NFIB: variants seen among roughly 807,000 people sequenced by gnomAD.
NFIB encodes the protein nuclear factor I B.
NFIB carries 11 observed loss-of-function variants against 61.5 expected under a neutral mutation model. That is an observed-to-expected ratio of 0.18 (90% CI 0.11 to 0.30). The LOEUF is 0.30. Ranked by LOEUF, NFIB falls within the 10% of genes least tolerant of loss-of-function variation. The pLI, the probability that NFIB is intolerant of heterozygous loss-of-function variation, is 1.00. For synonymous variants in NFIB, 260 were observed against 216.5 expected (o/e 1.20, Z -1.76); for missense variants, 471 against 608.9 (o/e 0.77, Z 2.38).
chr9:14,440,703 G>C, the NFIB span, among the ~76,000 whole-genome samples: 1 of 152,238 alleles, frequency 6.6e-6, no homozygotes, highest in Non-Finnish European at 1.5e-5. Context: ...GAGAGTGAGA[G>C]AGAAACCAGG....
At chr9:14,439,462 C>T in the NFIB span, among the ~76,000 whole-genome samples, 3 of 152,174 alleles carry the variant, frequency 2.0e-5, no homozygotes, top group Admixed American at 1.3e-4. Context: ...ATAATACCTG[C>T]GTTATAGGGC....
At chr9:14,185,857 A>G (rs1486546301) in intron 2 of NFIB, among the ~76,000 whole-genome samples, 1 of 152,218 alleles carries the variant, frequency 6.6e-6, no homozygotes, top group African/African-American at 2.4e-5. Context: ...TTTGGAAACA[A>G]GATAGGGTGG....
chr9:14,123,376 CTTA>C (rs2039197916), intron 7 of NFIB, among the ~76,000 whole-genome samples: 1 of 152,118 alleles, frequency 6.6e-6, no homozygotes, highest in Non-Finnish European at 1.5e-5. Flanking sequence ...ATTGCAAAGC[CTTA>C]TTGTCTTCTT....
intron 2 of NFIB, chr9:14,306,040 A>G: frequency 1.1e-6 from 1 of 901,270 alleles, no homozygotes; most frequent in Non-Finnish European, 1.6e-6. Flanking sequence ...AAATATATTA[A>G]GAAAAATAAA....
At position 14,232,597 on chromosome 9, in the gene NFIB, C is replaced by T. The variant is rs183978415; in HGVS notation, c.563-52817G>A. Among the ~76,000 whole-genome samples the T allele has an allele frequency of 1.1e-4, 16 of 152,268 alleles. No homozygotes were observed. The East Asian group carries it at 2.1e-3, about 20-fold the overall frequency. ...ACTAAAGGTTGCCAGGTGTGAGAAA[C>T]GAAGTCTGGAAGTCCATTTTAAAGT... On this transcript the variant is annotated intron_variant, in intron 2 of 10. Transcript: ENST00000380953.
At chr9:14,518,129 C>T in the NFIB span, among the ~76,000 whole-genome samples, 3 of 152,104 alleles carry the variant, frequency 2.0e-5, no homozygotes, top group Non-Finnish European at 4.4e-5. Flanking sequence ...TGATAAGAAA[C>T]GTTTGGGTCT....
chr9:14,409,297 C>A, the NFIB span, among the ~76,000 whole-genome samples: 1 of 152,094 alleles, frequency 6.6e-6, no homozygotes, highest in Non-Finnish European at 1.5e-5. Context: ...AACTGGCTGG[C>A]AAATTTCCTG....
At chr9:14,107,319 A>AC (rs1168099443) in intron 10 of NFIB, among the ~76,000 whole-genome samples, 1 of 151,864 alleles carries the variant, frequency 6.6e-6, no homozygotes, top group Non-Finnish European at 1.5e-5. Flanking sequence ...CATGCAAAAA[A>AC]AAACAAACAA....
chr9:14,357,857 A>C (rs2061194381), intron 1 of NFIB: 1 of 152,246 alleles, frequency 6.6e-6, no homozygotes, highest in Admixed American at 6.5e-5. Context: ...TGGACCTTAA[A>C]ATATCATGCT....
chr9:14,224,090 C>G (rs1244644358), intron 2 of NFIB, among the ~76,000 whole-genome samples: 2 of 152,212 alleles, frequency 1.3e-5, no homozygotes, highest in Non-Finnish European at 2.9e-5. Context: ...CCAATTACGC[C>G]TTCCAGTCCC....
the NFIB span, among the ~76,000 whole-genome samples, chr9:14,483,113 C>G: frequency 2.0e-5 from 3 of 152,158 alleles, no homozygotes; most frequent in East Asian, 5.8e-4. Flanking sequence ...GAATCATAAC[C>G]TCCTGCTTAG....
At chr9:14,469,624 C>G in the NFIB span, among the ~76,000 whole-genome samples, 1 of 152,196 alleles carries the variant, frequency 6.6e-6, no homozygotes, top group Non-Finnish European at 1.5e-5. Context: ...CATGTGGGCT[C>G]TCCTGCATTT....
the NFIB span, among the ~76,000 whole-genome samples, chr9:14,526,235 G>A: frequency 1.3e-5 from 2 of 152,044 alleles, no homozygotes; most frequent in Admixed American, 6.6e-5. Context: ...TTTTTAGGGA[G>A]GTGCTGGGGT....
intron 1 of NFIB, among the ~76,000 whole-genome samples, chr9:14,391,691 T>C (rs1249792076): frequency 6.6e-6 from 1 of 152,120 alleles, no homozygotes; most frequent in Non-Finnish European, 1.5e-5. Context: ...CCACTGTGCA[T>C]GTGCATAGCC....
chr9:14,364,485 G>GA (rs1312255700), intron 1 of NFIB, among the ~76,000 whole-genome samples: 3 of 152,146 alleles, frequency 2.0e-5, no homozygotes, highest in Non-Finnish European at 4.4e-5. Flanking sequence ...GAATGTATAA[G>GA]AAAATGTGTT....
chr9:14,196,512 T>A (rs2048486582), intron 2 of NFIB, among the ~76,000 whole-genome samples: 1 of 152,048 alleles, frequency 6.6e-6, no homozygotes, highest in African/African-American at 2.4e-5. Context: ...ACTGGACACC[T>A]GAGAAGCCAA....
intron 2 of NFIB, among the ~76,000 whole-genome samples, chr9:14,305,470 T>C (rs143753508): frequency 5.2e-4 from 79 of 152,340 alleles, no homozygotes; most frequent in Non-Finnish European, 1.0e-3. Flanking sequence ...AAGTGTCATG[T>C]GTTACTGAGT....
intron 6 of NFIB, among the ~76,000 whole-genome samples, chr9:14,133,435 T>C (rs1018246915): frequency 2.0e-5 from 3 of 152,204 alleles, no homozygotes; most frequent in Admixed American, 1.3e-4. Flanking sequence ...TATAAGATAA[T>C]AATGTTATTT....
At chr9:14,225,151 G>C (rs1190173853) in intron 2 of NFIB, among the ~76,000 whole-genome samples, 1 of 152,040 alleles carries the variant, frequency 6.6e-6, no homozygotes, top group African/African-American at 2.4e-5. Context: ...AGATATAAGT[G>C]AGAACAGAAG....
Sources: allele counts gnomAD v4.1 joint callset (sites outside exome capture counted in the v4.1 genomes callset), GRCh38; gene constraint gnomAD v4.1.1; transcripts MANE v1.5; gene names NCBI Gene and HGNC (gene_info 2026-07-23, HGNC 2026-07-21).